MED13L: variants seen among roughly 807,000 people sequenced by gnomAD.
MED13L encodes mediator complex subunit 13L, also known as mediator of RNA polymerase II transcription subunit 13-like.
Under a neutral mutation model 220.9 loss-of-function variants are expected in MED13L, and 7 were observed. The ratio of observed to expected loss-of-function variants is 0.03; its 90% CI spans 0.02 to 0.06. The LOEUF (loss-of-function observed/expected upper bound fraction) is 0.06, where lower values mean the gene tolerates loss of function less well. Ranked by LOEUF, MED13L falls within the 10% of genes least tolerant of loss-of-function variation. The pLI, the probability that MED13L is intolerant of heterozygous loss-of-function variation, is 1.00. For missense variants in MED13L, 1,965 were observed against 2,760.5 expected (o/e 0.71, Z 6.46); for synonymous variants, 1,011 against 1,015.2 (o/e 1.00, Z 0.08).
chr12:116,220,657 C>T (rs562973204), intron 2 of MED13L, among the ~76,000 whole-genome samples: 1 of 152,150 alleles, frequency 6.6e-6, no homozygotes, highest in East Asian at 1.9e-4. Flanking sequence ...CGAGATTGTG[C>T]CATTGCACTC....
At chr12:115,977,994 T>G (rs979089395) in intron 23 of MED13L, among the ~76,000 whole-genome samples, 2 of 151,598 alleles carry the variant, frequency 1.3e-5, no homozygotes, top group Admixed American at 6.6e-5. Flanking sequence ...AGACCTTGCC[T>G]CAAAAATAAA....
chr12:116,158,731 T>C (rs1221114513), intron 2 of MED13L, among the ~76,000 whole-genome samples: 1 of 152,174 alleles, frequency 6.6e-6, no homozygotes, highest in Middle Eastern at 3.2e-3. Flanking sequence ...ACTAGCATTG[T>C]GGTAATGTTG....
At chr12:116,084,446 T>C (rs750487303) in intron 4 of MED13L, among the ~76,000 whole-genome samples, 10 of 152,152 alleles carry the variant, frequency 6.6e-5, no homozygotes, top group African/African-American at 2.4e-4. Context: ...TTTTCACATA[T>C]TGTTAAGAGA....
At chr12:116,184,190 G>C (rs1041545136) in intron 2 of MED13L, among the ~76,000 whole-genome samples, 1 of 152,092 alleles carries the variant, frequency 6.6e-6, no homozygotes, top group Non-Finnish European at 1.5e-5. Context: ...GAAACCCTCT[G>C]GTAAATTTGC....
At chr12:116,253,241 C>T (rs912185556) in intron 1 of MED13L, among the ~76,000 whole-genome samples, 2 of 145,750 alleles carry the variant, frequency 1.4e-5, no homozygotes, top group African/African-American at 5.1e-5. Context: ...CATTGCACTC[C>T]AGCCAGGGCA....
At chr12:116,075,810 T>C (rs1291274610) in intron 4 of MED13L, among the ~76,000 whole-genome samples, 1 of 151,978 alleles carries the variant, frequency 6.6e-6, no homozygotes, top group East Asian at 1.9e-4. Flanking sequence ...GATAGTACCA[T>C]AAAGAGTATG....
intron 2 of MED13L, 55 bp from the exon 3 acceptor site, chr12:116,111,567 TA>T: frequency 7.3e-7 from 1 of 1,371,542 alleles, no homozygotes; most frequent in South Asian, 1.3e-5. Flanking sequence ...GACATCCAAA[TA>T]AAAAGAAACT....
rs143720587 is a variant in MED13L at position 116,077,620 on chromosome 12, T to C, written c.479+19049A>G. On this transcript the variant is annotated intron_variant, in intron 4 of 30. Transcript: ENST00000281928. The stretch of plus-strand genomic sequence containing the variant: ...ATATATACATATGTATTTGTGTACA[T>C]ATGCACAGACTAATCTCTGAAAGGA... Among the ~76,000 whole-genome samples the C allele has an allele frequency of 1.6e-3, 248 of 152,312 alleles. 1 individual carries two copies. Among genetic ancestry groups the C allele is most frequent in the African/African-American group, 5.7e-3 (236 of 41,564 alleles).
At chr12:116,137,607 C>A (rs1876673101) in intron 2 of MED13L, among the ~76,000 whole-genome samples, 1 of 151,886 alleles carries the variant, frequency 6.6e-6, no homozygotes, top group South Asian at 2.1e-4. Flanking sequence ...ATGAGGTACT[C>A]CAAGTGACAT....
intron 8 of MED13L, among the ~76,000 whole-genome samples, chr12:116,014,319 T>C (rs1879596140): frequency 6.6e-6 from 1 of 152,226 alleles, no homozygotes; most frequent in Admixed American, 6.5e-5. Context: ...TCCATATTCA[T>C]TCTGTTTCAG....
At chr12:116,196,487 T>G (rs1565923214) in intron 2 of MED13L, among the ~76,000 whole-genome samples, 1 of 152,010 alleles carries the variant, frequency 6.6e-6, no homozygotes, top group East Asian at 1.9e-4. Context: ...GAGATAAGAG[T>G]GCTTTCTTTC....
chr12:116,254,405 A>T (rs959426002), intron 1 of MED13L, among the ~76,000 whole-genome samples: 4 of 152,114 alleles, frequency 2.6e-5, no homozygotes, highest in Admixed American at 2.6e-4. Context: ...CAGAATCAAT[A>T]TCCAAAAATT....
intron 4 of MED13L, among the ~76,000 whole-genome samples, chr12:116,038,728 T>C (rs1328097663): frequency 9.2e-6 from 1 of 109,038 alleles, no homozygotes; most frequent in African/African-American, 4.0e-5. Flanking sequence ...GGACTTTACC[T>C]ATGCGGTCAA....
At chr12:115,969,581 T>C (rs1309798906) in intron 27 of MED13L, among the ~76,000 whole-genome samples, 2 of 145,218 alleles carry the variant, frequency 1.4e-5, no homozygotes, top group African/African-American at 2.6e-5. Flanking sequence ...TTTTCTCTCT[T>C]TTTTTTTTTT....
intron 2 of MED13L, among the ~76,000 whole-genome samples, chr12:116,203,498 A>C (rs1395771006): frequency 6.6e-6 from 1 of 152,130 alleles, no homozygotes; most frequent in Non-Finnish European, 1.5e-5. Context: ...AAGACATATA[A>C]GGAAAGACTA....
intron 2 of MED13L, among the ~76,000 whole-genome samples, chr12:116,171,296 C>A (rs189009566): frequency 6.6e-6 from 1 of 152,182 alleles, no homozygotes; most frequent in Non-Finnish European, 1.5e-5. Context: ...TTTTTCATCA[C>A]AGAGATTTCT....
chr12:115,996,418 A>T, intron 16 of MED13L, 58 bp downstream of exon 16: 1 of 1,552,136 alleles, frequency 6.4e-7, no homozygotes, highest in Non-Finnish European at 8.9e-7. Context: ...ACAAACATTT[A>T]GTTAAGATAA....
At chr12:116,066,813 A>G (rs1202397409) in intron 4 of MED13L, among the ~76,000 whole-genome samples, 1 of 152,034 alleles carries the variant, frequency 6.6e-6, no homozygotes, top group African/African-American at 2.4e-5. Flanking sequence ...GGCTACCAAC[A>G]GAGGGCGAAA....
At chr12:116,220,242 C>A (rs1217472909) in intron 2 of MED13L, among the ~76,000 whole-genome samples, 2 of 152,128 alleles carry the variant, frequency 1.3e-5, no homozygotes, top group Non-Finnish European at 2.9e-5. Flanking sequence ...CAATTAAAAT[C>A]TCCATAAAAT....
Sources: gnomAD v4.1 joint callset for allele counts (sites outside exome capture counted in the v4.1 genomes callset) on GRCh38, gnomAD v4.1.1 for gene constraint, MANE v1.5 for transcripts, NCBI Gene and HGNC (gene_info 2026-07-23, HGNC 2026-07-21) for gene names.